Variants in ETS1 observed in about 807,000 individuals in gnomAD.
ETS1 encodes ETS proto-oncogene 1, transcription factor, also known as protein C-ets-1.
ETS1 carries 15 observed loss-of-function variants against 58.6 expected under a neutral mutation model. That is an observed-to-expected ratio of 0.26 (90% CI 0.17 to 0.39). The LOEUF (loss-of-function observed/expected upper bound fraction) is 0.39, where lower values mean the gene tolerates loss of function less well. Ranked by LOEUF, ETS1 falls within the 10% of genes least tolerant of loss-of-function variation. ETS1 has a pLI of 1.00. For missense variants in ETS1, 417 were observed against 610.5 expected (o/e 0.68, Z 3.34); for synonymous variants, 214 against 218.2 (o/e 0.98, Z 0.17).
At chr11:128,512,859 G>A (rs79313323) in intron 3 of ETS1, among the ~76,000 whole-genome samples, 7,337 of 152,340 alleles carry the variant, frequency 0.048, 221 homozygotes, top group South Asian at 0.066. Context: ...GATGAAATAA[G>A]CTCATCACTC....
At chr11:128,527,671 G>T (rs1193230002) in intron 3 of ETS1, among the ~76,000 whole-genome samples, 2 of 152,140 alleles carry the variant, frequency 1.3e-5, no homozygotes, top group Non-Finnish European at 2.9e-5. Context: ...TAATATGAGA[G>T]AAGAGGACAG....
At chr11:128,556,605 C>T (rs181084334) in intron 2 of ETS1, among the ~76,000 whole-genome samples, 170 bp from the exon 3 acceptor site, 76 of 152,260 alleles carry the variant, frequency 5.0e-4, no homozygotes, top group Non-Finnish European at 7.9e-4. Context: ...CACATAAAGA[C>T]GCAGGGAACG....
chr11:128,532,879 A>G (rs1863919893), intron 3 of ETS1, among the ~76,000 whole-genome samples: 2 of 152,028 alleles, frequency 1.3e-5, no homozygotes, highest in Admixed American at 1.3e-4. Flanking sequence ...AAGGACATCT[A>G]TCTCCCTCTA....
chr11:128,570,653 C>G (rs1203252525), intron 2 of ETS1, among the ~76,000 whole-genome samples: 4 of 152,162 alleles, frequency 2.6e-5, no homozygotes, highest in Non-Finnish European at 2.9e-5. Flanking sequence ...GTCAATGACA[C>G]ATTTTGCTCT....
intron 3 of ETS1, among the ~76,000 whole-genome samples, chr11:128,544,509 G>C (rs1246743993): frequency 2.0e-5 from 3 of 151,750 alleles, no homozygotes; most frequent in African/African-American, 7.3e-5. Context: ...TCCCAGTTCT[G>C]CTCAAAGACA....
At chr11:128,552,961 G>A (rs1469447807) in intron 3 of ETS1, among the ~76,000 whole-genome samples, 1 of 152,216 alleles carries the variant, frequency 6.6e-6, no homozygotes, top group Non-Finnish European at 1.5e-5. Context: ...ATGGTGGTTG[G>A]AGAGAAAGGG....
chr11:128,571,450 GGGC>G (rs1160296151), intron 2 of ETS1, among the ~76,000 whole-genome samples: 3 of 130,142 alleles, frequency 2.3e-5, no homozygotes, highest in African/African-American at 8.6e-5. Flanking sequence ...CGTCCAGCCT[GGGC>G]GACAGAGCGA....
intron 8 of ETS1, among the ~76,000 whole-genome samples, chr11:128,477,786 A>G (rs1311071510): frequency 6.6e-6 from 1 of 152,224 alleles, no homozygotes; most frequent in African/African-American, 2.4e-5. Flanking sequence ...TCTGCACTCA[A>G]TATGCGCTCA....
At chr11:128,552,505 T>C (rs1460750913) in intron 3 of ETS1, among the ~76,000 whole-genome samples, 1 of 152,220 alleles carries the variant, frequency 6.6e-6, no homozygotes, top group Non-Finnish European at 1.5e-5. Context: ...TCTAAGCAAG[T>C]ATTTTGCAAA....
chr11:128,518,454 T>C (rs760257557), intron 3 of ETS1, among the ~76,000 whole-genome samples: 1 of 152,228 alleles, frequency 6.6e-6, no homozygotes, highest in Non-Finnish European at 1.5e-5. Context: ...ATTTTGCACA[T>C]ATTCATAGAT....
chr11:128,524,110 T>C (rs184895605), intron 3 of ETS1, among the ~76,000 whole-genome samples: 1 of 152,316 alleles, frequency 6.6e-6, no homozygotes, highest in Non-Finnish European at 1.5e-5. Context: ...AGCAACTCCT[T>C]TCTCTCTTCC....
In ETS1 at chr11:128,464,355, GACACACACACACACACAC is replaced by G. The variant is rs58228263; in HGVS notation, c.1124-746_1124-729del. 6.2e-5 allele frequency among the ~76,000 whole-genome samples: 9 copies of G among 144,914 alleles called. No individual in the cohort carries two copies. Among genetic ancestry groups the G allele is most frequent in the African/African-American group, 2.3e-4 (9 of 39,248 alleles). ...CATAGGTTCAGTATATTCTAAATTAGACACACACACACACACACACACACACACACACACACACACACT... is the reference window on the plus strand; with the variant it reads ...CATAGGTTCAGTATATTCTAAATTAGACACACACACACACACACACACACT... On this transcript the variant is annotated intron_variant, in intron 8 of 9. Coordinates refer to ENST00000392668, the MANE Select transcript of ETS1 (RefSeq NM_001143820.2). This position sits in a 1 kb window ranked among gnomAD's most constrained non-coding sequence, Gnocchi z 4.1.
In ETS1 at chr11:128,486,107, G is replaced by C; in HGVS notation, c.575C>G (p.Ala192Gly). The part of the protein sequence containing the change: ...KPYQVNGVNP[A>G]YPESRYTSDY... ...CGAGGTATAGCGGGATTCTGGATAG[G>C]CTGGGTTGACTCCATTAACTTGATA... The change falls in exon 6 of 10, where the codon GCC (alanine) becomes GGC (glycine). Residue 192 changes from alanine (A) to glycine (G), a missense_variant. Transcript: ENST00000392668. 1.2e-6 allele frequency: 2 copies of C among 1,611,714 alleles called. No homozygotes were observed. The highest frequency in any genetic ancestry group is 1.7e-6 in the Non-Finnish European group (2 of 1,177,912).
chr11:128,579,591 G>T (rs913088424), intron 1 of ETS1, among the ~76,000 whole-genome samples: 1 of 150,816 alleles, frequency 6.6e-6, no homozygotes, highest in African/African-American at 2.4e-5. Context: ...AGCCTGGGAG[G>T]CAGAGGTTGC....
intron 1 of ETS1, among the ~76,000 whole-genome samples, chr11:128,585,165 AAAGAGAAAGAAAGAAAGAAAGAAGGAAG>A (rs1864989464): frequency 3.9e-5 from 2 of 51,352 alleles, no homozygotes; most frequent in Admixed American, 1.9e-4. Flanking sequence ...AGAAAGAAAG[AAAGAGAAAGAAAGAAAGAAAGAAGGAAG>A]GAAAGAAAGA....
intron 3 of ETS1, among the ~76,000 whole-genome samples, chr11:128,492,648 A>T (rs1440374287): frequency 6.6e-6 from 1 of 152,202 alleles, no homozygotes; most frequent in Non-Finnish European, 1.5e-5. Context: ...TGTTGATTAC[A>T]TAACATCCAG....
intron 3 of ETS1, among the ~76,000 whole-genome samples, chr11:128,531,708 C>A (rs2135532148): frequency 6.6e-6 from 1 of 152,292 alleles, no homozygotes; most frequent in East Asian, 1.9e-4. Context: ...AATATGTACC[C>A]TCTTGAATTT....
At chr11:128,465,956 A>G (rs1862022708) in intron 8 of ETS1, among the ~76,000 whole-genome samples, 1 of 152,206 alleles carries the variant, frequency 6.6e-6, no homozygotes, top group Non-Finnish European at 1.5e-5. Context: ...CAGGTTCTTC[A>G]TCTCAATGCT....
intron 3 of ETS1, among the ~76,000 whole-genome samples, chr11:128,521,700 C>T (rs1363089419): frequency 1.3e-5 from 2 of 152,200 alleles, no homozygotes; most frequent in Non-Finnish European, 2.9e-5. Flanking sequence ...TAAATACCAC[C>T]CCCCAAACCA....
Sources: allele counts gnomAD v4.1 joint callset (sites outside exome capture counted in the v4.1 genomes callset), GRCh38; gene constraint gnomAD v4.1.1; non-coding constraint Gnocchi (gnomAD v3.1); transcripts MANE v1.5; gene names NCBI Gene and HGNC (gene_info 2026-07-23, HGNC 2026-07-21).